The following NBEA variants were observed in gnomAD, a reference collection of about 807,000 sequenced individuals.
NBEA encodes lysosomal-trafficking regulator 2.
A neutral mutation model predicts 343.4 loss-of-function variants in NBEA; 44 were observed. The ratio of observed to expected loss-of-function variants is 0.13; its 90% CI spans 0.10 to 0.16. The LOEUF (loss-of-function observed/expected upper bound fraction) is 0.16, where lower values mean the gene tolerates loss of function less well. NBEA is among the 10% of genes least tolerant of loss of function. The pLI, the probability that NBEA is intolerant of heterozygous loss-of-function variation, is 1.00. For missense variants in NBEA, 2,555 were observed against 3,631.3 expected, an observed-to-expected ratio of 0.70 and a Z score of 7.62; for synonymous variants, 1,175 against 1,238.7, an observed-to-expected ratio of 0.95 and a Z score of 1.08.
intron 1 of NBEA, among the ~76,000 whole-genome samples, chr13:35,040,148 T>C (rs2062596834): frequency 1.3e-5 from 2 of 152,166 alleles, no homozygotes; most frequent in Middle Eastern, 3.2e-3. Context: ...ACAGTGTTCT[T>C]TTTTAAGAAT....
intron 38 of NBEA, among the ~76,000 whole-genome samples, chr13:35,429,593 C>A (rs990178422): frequency 6.6e-6 from 1 of 152,038 alleles, no homozygotes; most frequent in Non-Finnish European, 1.5e-5. Flanking sequence ...GCCAGTCTGC[C>A]TTTTCTCACC....
intron 38 of NBEA, among the ~76,000 whole-genome samples, chr13:35,366,351 A>C (rs2152878866): frequency 6.6e-6 from 1 of 151,536 alleles, no homozygotes; most frequent in African/African-American, 2.4e-5. Context: ...CTAGAACATA[A>C]GGAGTTATTA....
At chr13:34,961,857 C>T (rs893524866) in intron 1 of NBEA, among the ~76,000 whole-genome samples, 14 of 151,942 alleles carry the variant, frequency 9.2e-5, no homozygotes, top group African/African-American at 3.4e-4. Flanking sequence ...GCTGTGTGGT[C>T]CAGCATGGCG....
chr13:35,611,124 A>G (rs1435079460), intron 48 of NBEA, among the ~76,000 whole-genome samples: 2 of 152,012 alleles, frequency 1.3e-5, no homozygotes, highest in African/African-American at 4.8e-5. Flanking sequence ...TGCTGGTACA[A>G]AACAGTTTGG....
chr13:35,669,710 G>T (rs776734912), intron 58 of NBEA, among the ~76,000 whole-genome samples: 4 of 152,126 alleles, frequency 2.6e-5, no homozygotes, highest in African/African-American at 7.2e-5. Context: ...TTACTCGTTC[G>T]TGTATTCATT....
At chr13:35,258,323 A>C (rs180748644) in intron 34 of NBEA, among the ~76,000 whole-genome samples, 6 of 151,994 alleles carry the variant, frequency 3.9e-5, no homozygotes, top group Admixed American at 2.6e-4. Context: ...ATGCGCCACC[A>C]CACTTGGCTA....
intron 36 of NBEA, among the ~76,000 whole-genome samples, chr13:35,310,755 A>C (rs2037307896): frequency 6.6e-6 from 1 of 152,164 alleles, no homozygotes; most frequent in African/African-American, 2.4e-5. Flanking sequence ...GGCATGACCT[A>C]TTCATTTCAT....
At chr13:35,164,639 A>T in intron 24 of NBEA, 130 bp downstream of exon 24, 2 of 970,712 alleles carry the variant, frequency 2.1e-6, no homozygotes, top group Middle Eastern at 4.2e-4. Flanking sequence ...AACCATTTAA[A>T]TTTCTATTTC....
intron 38 of NBEA, among the ~76,000 whole-genome samples, chr13:35,366,674 C>G (rs2041136774): frequency 6.7e-6 from 1 of 149,064 alleles, no homozygotes; most frequent in African/African-American, 2.5e-5. Context: ...TTCCTCTTTC[C>G]CCCAATGTAA....
At chr13:35,593,167 C>A in intron 46 of NBEA, 161 bp from the exon 47 acceptor site, 1 of 628,628 alleles carries the variant, frequency 1.6e-6, no homozygotes, top group Non-Finnish European at 2.5e-6. Context: ...CCTAGTCAAG[C>A]CCAGACAGGC....
chr13:34,964,643 T>G (rs993041565), intron 1 of NBEA, among the ~76,000 whole-genome samples: 11 of 151,970 alleles, frequency 7.2e-5, no homozygotes, highest in Non-Finnish European at 1.5e-4. Flanking sequence ...AAGGAGTTGT[T>G]TACAGGTGGA....
At chr13:35,416,475 C>T (rs987056749) in intron 38 of NBEA, among the ~76,000 whole-genome samples, 1 of 152,158 alleles carries the variant, frequency 6.6e-6, no homozygotes, top group African/African-American at 2.4e-5. Context: ...AAGGCCTTTT[C>T]AGCATCTATT....
intron 38 of NBEA, among the ~76,000 whole-genome samples, chr13:35,375,794 G>C (rs1378618273): frequency 1.3e-5 from 2 of 152,092 alleles, no homozygotes; most frequent in Non-Finnish European, 2.9e-5. Flanking sequence ...TAATGAGTCA[G>C]AAATATTAGG....
chr13:35,445,794 A>G (rs964480511), intron 39 of NBEA, among the ~76,000 whole-genome samples: 1 of 80,050 alleles, frequency 1.2e-5, no homozygotes, highest in Non-Finnish European at 2.4e-5. Flanking sequence ...ATATATATAT[A>G]TATATATATA....
At chr13:35,200,458 C>A (rs200435127) in intron 31 of NBEA, among the ~76,000 whole-genome samples, 1,278 of 135,802 alleles carry the variant, frequency 9.4e-3, no homozygotes, top group Non-Finnish European at 0.01. Context: ...GAACAAAAGA[C>A]AAAAAAAAAA....
intron 38 of NBEA, among the ~76,000 whole-genome samples, chr13:35,353,756 C>A (rs2040335152): frequency 6.6e-6 from 1 of 151,986 alleles, no homozygotes; most frequent in Non-Finnish European, 1.5e-5. Flanking sequence ...CCGGGAAGAA[C>A]CTAAAGCTGA....
intron 34 of NBEA, among the ~76,000 whole-genome samples, chr13:35,281,466 G>A (rs9593043): frequency 0.089 from 13,502 of 152,120 alleles, 622 homozygotes; most frequent in South Asian, 0.12. Flanking sequence ...AAGTTAATGT[G>A]CTTTTGGAAG....
intron 10 of NBEA, among the ~76,000 whole-genome samples, chr13:35,077,440 A>T (rs980398098): frequency 6.6e-6 from 1 of 152,050 alleles, no homozygotes; most frequent in African/African-American, 2.4e-5. Context: ...TTAAATTAGA[A>T]CCCCAAGAGA....
At chr13:35,156,048 T>C in intron 19 of NBEA, 35 bp from the exon 20 acceptor site, 2 of 1,555,632 alleles carry the variant, frequency 1.3e-6, no homozygotes, top group Non-Finnish European at 1.7e-6. Context: ...TAGGATATGG[T>C]TACAAATCTA....
Sources: gnomAD v4.1 joint callset for allele counts (sites outside exome capture counted in the v4.1 genomes callset) on GRCh38, gnomAD v4.1.1 for gene constraint, MANE v1.5 for transcripts, NCBI Gene and HGNC (gene_info 2026-07-23, HGNC 2026-07-21) for gene names.